Variants in MUSK observed in about 807,000 individuals in gnomAD.
MUSK encodes the protein muscle, skeletal receptor tyrosine-protein kinase.
In MUSK, 55 loss-of-function variants were observed where a neutral mutation model predicts 88.7. The ratio of observed to expected loss-of-function variants is 0.62; its 90% CI spans 0.50 to 0.78. The LOEUF (loss-of-function observed/expected upper bound fraction) is 0.78. Among genes scored for constraint, MUSK ranks in the 30% least tolerant of loss-of-function variants. MUSK has a pLI of 0.00. For synonymous variants in MUSK, 387 were observed against 391.9 expected, an observed-to-expected ratio of 0.99 and a Z score of 0.15; for missense variants, 1,015 against 1,074.3, an observed-to-expected ratio of 0.94 and a Z score of 0.77.
chr9:110,683,831 T>A (rs2076162696), intron 2 of MUSK, among the ~76,000 whole-genome samples: 1 of 152,084 alleles, frequency 6.6e-6, no homozygotes. Flanking sequence ...TGGATTAATA[T>A]ATTTTTTACT....
chr9:110,767,472 C>G (rs1447785571), intron 8 of MUSK, among the ~76,000 whole-genome samples: 1 of 152,184 alleles, frequency 6.6e-6, no homozygotes, highest in African/African-American at 2.4e-5. Context: ...GAAATGTCTT[C>G]CAGATGCATC....
At chr9:110,709,658 C>T (rs901440309) in intron 5 of MUSK, among the ~76,000 whole-genome samples, 4 of 152,172 alleles carry the variant, frequency 2.6e-5, no homozygotes, top group Admixed American at 6.5e-5. Context: ...CTTGTGCAGA[C>T]AATTATAGCT....
intron 5 of MUSK, among the ~76,000 whole-genome samples, chr9:110,717,162 T>A (rs891923653): frequency 6.7e-6 from 1 of 149,828 alleles, no homozygotes; most frequent in Non-Finnish European, 1.5e-5. Flanking sequence ...TGTATTATGC[T>A]GTTTCTTTTC....
At chr9:110,718,185 T>C (rs369838088) in intron 5 of MUSK, among the ~76,000 whole-genome samples, 1 of 152,030 alleles carries the variant, frequency 6.6e-6, no homozygotes, top group African/African-American at 2.4e-5. Flanking sequence ...CTCAGGCTGC[T>C]TGAGTGTCCC....
rs1445178162 is a variant in MUSK, at chr9:110,785,663, A to G, written c.1723A>G (p.Ile575Val). Residue 575 changes from isoleucine to valine, a missense_variant, in exon 13 of 15, where the codon ATT (isoleucine) becomes GTT (valine). Physicochemically the swap from Ile to Val is conservative, Grantham distance 29 (BLOSUM62 3). Transcript: ENST00000374448. ...LLSLEYPRNNIEYVRDIGEGA... is the reference protein window; with the variant it reads ...LLSLEYPRNNVEYVRDIGEGA... ...CAGCCTGGAGTATCCAAGGAATAAC[A>G]TTGAATATGTGAGAGACATCGGAGA... The G allele has an allele frequency of 1.1e-5, 17 of 1,612,944 alleles. No homozygotes were observed. Among genetic ancestry groups the G allele is most frequent in the Non-Finnish European group, 1.4e-5 (16 of 1,179,358 alleles).
intron 1 of MUSK, among the ~76,000 whole-genome samples, chr9:110,678,229 A>C (rs1740912477): frequency 6.6e-6 from 1 of 152,098 alleles, no homozygotes; most frequent in Admixed American, 6.5e-5. Context: ...CTCCTGCCTC[A>C]GGCTCCCAAG....
intron 9 of MUSK, among the ~76,000 whole-genome samples, chr9:110,770,005 C>T (rs2077545242): frequency 6.6e-6 from 1 of 151,934 alleles, no homozygotes; most frequent in South Asian, 2.1e-4. Flanking sequence ...TTGCTAAAAC[C>T]CAGAAAGTTG....
intron 7 of MUSK, among the ~76,000 whole-genome samples, chr9:110,761,168 G>A (rs12001728): frequency 0.11 from 17,060 of 152,196 alleles, 1,078 homozygotes; most frequent in African/African-American, 0.17. Flanking sequence ...CACCCTTGCC[G>A]GGATTCTCAT....
In MUSK at chr9:110,681,095, T is replaced by TTATATATA. The variant is rs2076121549; in HGVS notation, c.80-1579_80-1578insTATATATA. 5.6e-4 allele frequency among the ~76,000 whole-genome samples: 8 copies of TTATATATA among 14,238 alleles called. 1 individual carries two copies. Among genetic ancestry groups the TTATATATA allele is most frequent in the African/African-American group, 2.5e-3 (8 of 3,188 alleles). The allele number at this position is 14,238 out of a possible 152,430, so 9.3% of individuals were successfully genotyped here. ...ATTATATATATTATATAATATATAT[T>TTATATATA]ATATAATATATATTATATATAATAT... On this transcript the variant is annotated intron_variant, in intron 1 of 14. Coordinates refer to ENST00000374448, the MANE Select transcript of MUSK (RefSeq NM_005592.4).
At chr9:110,728,664 G>A (rs775355542) in intron 5 of MUSK, 1 of 1,501,928 alleles carries the variant, frequency 6.7e-7, no homozygotes, top group Non-Finnish European at 9.1e-7. Context: ...GTGTGTGTTT[G>A]TTTTGTCTTG....
chr9:110,768,085 T>TA lies in MUSK; in HGVS notation c.1184+6dup. On this transcript the variant is annotated splice_region_variant and intron_variant, in intron 9 of 14. Transcript: ENST00000374448. Reference sequence around the variant, plus strand: ...GCCTACTCCTATTCCCATTTGCAGGTAAAATCTCAAAAATAAGTCAAAGGA... The same window carrying TA: ...GCCTACTCCTATTCCCATTTGCAGGTAAAAATCTCAAAAATAAGTCAAAGGA... The TA allele has an allele frequency of 6.3e-7, 1 of 1,584,036 alleles. No homozygotes were observed. Among genetic ancestry groups the TA allele is most frequent in the Non-Finnish European group, 8.6e-7 (1 of 1,164,512 alleles).
intron 8 of MUSK, 104 bp from the exon 9 acceptor site, chr9:110,767,713 TCTC>T (rs916924056): frequency 8.0e-7 from 1 of 1,244,618 alleles, no homozygotes; most frequent in African/African-American, 1.5e-5. Flanking sequence ...AGTACAATTT[TCTC>T]CTATTTCTGA....
intron 5 of MUSK, among the ~76,000 whole-genome samples, chr9:110,729,163 T>C (rs1425799422): frequency 6.6e-6 from 1 of 151,380 alleles, no homozygotes; most frequent in Non-Finnish European, 1.5e-5. Context: ...TCAGGAGTAT[T>C]ATGCAATTGC....
chr9:110,789,985 C>T (rs1379681311), intron 14 of MUSK, among the ~76,000 whole-genome samples: 2 of 152,040 alleles, frequency 1.3e-5, no homozygotes, highest in Admixed American at 6.5e-5. Context: ...CAAGCCAGAA[C>T]AGAGAAGAGG....
At chr9:110,713,781 G>T (rs1320451867) in intron 5 of MUSK, among the ~76,000 whole-genome samples, 1 of 152,090 alleles carries the variant, frequency 6.6e-6, no homozygotes, top group Non-Finnish European at 1.5e-5. Context: ...TTTCCGGTTG[G>T]CTAAAACAAA....
chr9:110,800,733 G>T lies in MUSK; in HGVS notation c.2355G>T (p.Val785=), dbSNP rs1246045210. ...FYNRYTTESD[V]WAYGVVLWEI... ...ACCGCTACACTACAGAGTCTGATGT[G>T]TGGGCCTATGGCGTGGTCCTCTGGG... The change falls in exon 15 of 15, where the codon GTG becomes GTT. Residue 785 remains valine (V), a synonymous_variant. Transcript: ENST00000374448. 6.2e-7 allele frequency: 1 copy of T among 1,614,002 alleles called. No homozygotes were observed. The highest frequency in any genetic ancestry group is 1.3e-5 in the African/African-American group (1 of 75,030).
At chr9:110,671,475 C>G (rs1157098825) in intron 1 of MUSK, among the ~76,000 whole-genome samples, 1 of 152,076 alleles carries the variant, frequency 6.6e-6, no homozygotes, top group Non-Finnish European at 1.5e-5. Context: ...TAAAATAACA[C>G]AAAAGTATTC....
chr9:110,798,045 G>A (rs181269350), intron 14 of MUSK, among the ~76,000 whole-genome samples: 1 of 152,094 alleles, frequency 6.6e-6, no homozygotes, highest in Non-Finnish European at 1.5e-5. Context: ...TTTGTTAAAT[G>A]CTATATCTAA....
At chr9:110,780,622 G>T (rs2077736300) in intron 11 of MUSK, among the ~76,000 whole-genome samples, 2 of 152,288 alleles carry the variant, frequency 1.3e-5, no homozygotes, top group South Asian at 4.1e-4. Flanking sequence ...TGTATTAACT[G>T]GGTATGGAAC....
Sources: gnomAD v4.1 joint callset for allele counts (sites outside exome capture counted in the v4.1 genomes callset) on GRCh38, gnomAD v4.1.1 for gene constraint, MANE v1.5 for transcripts, NCBI Gene and HGNC (gene_info 2026-07-23, HGNC 2026-07-21) for gene names.